Variants in PRKN observed in about 807,000 individuals in gnomAD.
PRKN encodes parkin RBR E3 ubiquitin protein ligase.
PRKN carries 56 observed loss-of-function variants against 59.5 expected under a neutral mutation model. The ratio of observed to expected loss-of-function variants is 0.94; its 90% confidence interval spans 0.76 to 1.18. The LOEUF (loss-of-function observed/expected upper bound fraction) is 1.18. PRKN is among the 50% of genes most tolerant of loss of function. The pLI is 0.00. For missense variants in PRKN, 657 were observed against 596.4 expected, an observed-to-expected ratio of 1.10 and a Z score of -1.06; for synonymous variants, 250 against 222.1, an observed-to-expected ratio of 1.13 and a Z score of -1.12.
chr6:161,858,378 C>T (rs898792777), intron 6 of PRKN, among the ~76,000 whole-genome samples: 1 of 152,076 alleles, frequency 6.6e-6, no homozygotes, highest in Non-Finnish European at 1.5e-5. Context: ...CATTTGTAGC[C>T]GGACAACCAG....
At chr6:161,556,408 T>C (rs771136617) in intron 8 of PRKN, among the ~76,000 whole-genome samples, 1 of 152,220 alleles carries the variant, frequency 6.6e-6, no homozygotes, top group African/African-American at 2.4e-5. Flanking sequence ...AATGTGCTAG[T>C]ATTTGTAGAA....
intron 4 of PRKN, among the ~76,000 whole-genome samples, chr6:162,150,606 T>C (rs1782228722): frequency 6.6e-6 from 1 of 152,148 alleles, no homozygotes; most frequent in Non-Finnish European, 1.5e-5. Flanking sequence ...TCCAGCTCAA[T>C]TATATTTGGG....
chr6:162,569,606 G>GGCTC, intron 1 of PRKN: 2 of 714,354 alleles, frequency 2.8e-6, no homozygotes, highest in Non-Finnish European at 5.2e-6. Flanking sequence ...CTCCAGCTTT[G>GGCTC]GCTCTGACAT....
chr6:161,681,596 AG>A (rs1169071478), intron 7 of PRKN, among the ~76,000 whole-genome samples: 1 of 152,162 alleles, frequency 6.6e-6, no homozygotes, highest in Non-Finnish European at 1.5e-5. Context: ...TGAGACTTGC[AG>A]GGAGCCATTA....
At chr6:162,400,448 T>A in intron 2 of PRKN, among the ~76,000 whole-genome samples, 1 of 79,860 alleles carries the variant, frequency 1.3e-5, no homozygotes, top group African/African-American at 5.4e-5. Flanking sequence ...CACAGCAACA[T>A]GTAAATATCA....
In PRKN at chr6:161,582,772, G is replaced by A. The variant is rs934639895; in HGVS notation, c.872-13356C>T. ...ATAATAAGGATAAATGAAACCAGACGTAAGTGTCATACATGCATGAATTGA... is the reference window on the plus strand; with the variant it reads ...ATAATAAGGATAAATGAAACCAGACATAAGTGTCATACATGCATGAATTGA... On this transcript the variant is annotated intron_variant, in intron 7 of 11. Transcript: ENST00000366898. This position sits in a 1 kb window ranked among gnomAD's most constrained non-coding sequence, Gnocchi z 4.4. 2.6e-5 allele frequency among the ~76,000 whole-genome samples: 4 copies of A among 152,020 alleles called. No homozygotes were observed. The highest frequency in any genetic ancestry group is 5.9e-5 in the Non-Finnish European group (4 of 68,004).
At chr6:162,104,849 A>ATT (rs766441253) in intron 4 of PRKN, among the ~76,000 whole-genome samples, 8 of 152,218 alleles carry the variant, frequency 5.3e-5, no homozygotes, top group Non-Finnish European at 1.0e-4. Context: ...AATAATTCTA[A>ATT]TAGGCATCCT....
At chr6:161,961,634 TAG>T (rs961740573) in intron 6 of PRKN, among the ~76,000 whole-genome samples, 63 of 152,272 alleles carry the variant, frequency 4.1e-4, no homozygotes, top group African/African-American at 1.4e-3. Context: ...CTTCACCTGC[TAG>T]AGAGTGTCCC....
At chr6:161,969,414 G>A (rs1780715774) in intron 6 of PRKN, among the ~76,000 whole-genome samples, 1 of 152,088 alleles carries the variant, frequency 6.6e-6, no homozygotes, top group African/African-American at 2.4e-5. Context: ...GCCTTGGGAA[G>A]TTCATGCTGT....
chr6:162,622,710 C>T (rs913239037), intron 1 of PRKN, among the ~76,000 whole-genome samples: 1 of 152,102 alleles, frequency 6.6e-6, no homozygotes, highest in African/African-American at 2.4e-5. Context: ...GTTTCATCTG[C>T]ACTGTGAAAT....
chr6:161,537,119 A>G (rs1687863233), intron 9 of PRKN, among the ~76,000 whole-genome samples: 1 of 152,224 alleles, frequency 6.6e-6, no homozygotes, highest in African/African-American at 2.4e-5. Flanking sequence ...TGAGAAGCCT[A>G]CTTTGATTTA....
At chr6:162,427,817 T>C (rs775843851) in intron 2 of PRKN, among the ~76,000 whole-genome samples, 3 of 152,120 alleles carry the variant, frequency 2.0e-5, no homozygotes, top group Non-Finnish European at 4.4e-5. Flanking sequence ...AGCTAATGTT[T>C]TGCATTTTTT....
intron 1 of PRKN, among the ~76,000 whole-genome samples, chr6:162,486,227 T>C (rs1792533614): frequency 6.6e-6 from 1 of 152,214 alleles, no homozygotes; most frequent in Non-Finnish European, 1.5e-5. Flanking sequence ...TATGTATATG[T>C]ACGTATGTAT....
intron 4 of PRKN, among the ~76,000 whole-genome samples, chr6:162,169,414 G>A (rs1006884876): frequency 2.6e-5 from 4 of 152,046 alleles, no homozygotes; most frequent in Non-Finnish European, 4.4e-5. Flanking sequence ...GTAAGTTTGC[G>A]TTTGTCAAAC....
At chr6:162,497,409 T>G (rs752758863) in intron 1 of PRKN, among the ~76,000 whole-genome samples, 9 of 152,340 alleles carry the variant, frequency 5.9e-5, no homozygotes, top group African/African-American at 1.2e-4. Flanking sequence ...TAGAAAAACA[T>G]AATTCTCCAA....
chr6:161,946,412 ACACTCTCT>A (rs1204411285), intron 6 of PRKN, among the ~76,000 whole-genome samples: 1,673 of 94,162 alleles, frequency 0.018, 25 homozygotes, highest in African/African-American at 0.049. Flanking sequence ...ACACACACAC[ACACTCTCT>A]CTCTCTCTCT....
At chr6:162,617,743 T>G (rs2128220105) in intron 1 of PRKN, among the ~76,000 whole-genome samples, 1 of 134,680 alleles carries the variant, frequency 7.4e-6, no homozygotes, top group East Asian at 2.0e-4. Flanking sequence ...TAGTATAATT[T>G]TTATCTGAAA....
intron 5 of PRKN, among the ~76,000 whole-genome samples, chr6:161,976,097 G>T (rs1373800125): frequency 6.6e-6 from 1 of 152,012 alleles, no homozygotes; most frequent in Non-Finnish European, 1.5e-5. Flanking sequence ...TAGAGATGGG[G>T]TTTCACCGTG....
intron 7 of PRKN, among the ~76,000 whole-genome samples, chr6:161,620,912 G>C (rs947727615): frequency 6.6e-6 from 1 of 152,114 alleles, no homozygotes; most frequent in Non-Finnish European, 1.5e-5. Context: ...TTCTCAACCA[G>C]GAAATGGTCA....
Sources: allele counts gnomAD v4.1 joint callset (sites outside exome capture counted in the v4.1 genomes callset), GRCh38; gene constraint gnomAD v4.1.1; non-coding constraint Gnocchi (gnomAD v3.1); transcripts MANE v1.5; gene names NCBI Gene and HGNC (gene_info 2026-07-23, HGNC 2026-07-21).